Variants in AGBL4 observed in about 807,000 individuals in gnomAD.
AGBL4 encodes AGBL carboxypeptidase 4.
AGBL4 carries 58 observed loss-of-function variants against 66.4 expected under a neutral mutation model. The observed-to-expected ratio is 0.87, with a 90% CI of 0.71 to 1.09. AGBL4 has a LOEUF of 1.09. Among genes scored for constraint, AGBL4 ranks in the 50% least tolerant of loss-of-function variants. The pLI, the probability that AGBL4 is intolerant of heterozygous loss-of-function variation, is 0.00. For synonymous variants in AGBL4, 234 were observed against 222.9 expected (o/e 1.05, Z -0.44); for missense variants, 579 against 631.0 (o/e 0.92, Z 0.88).
At chr1:48,744,362 A>C (rs1444072186) in intron 6 of AGBL4, among the ~76,000 whole-genome samples, 4 of 152,242 alleles carry the variant, frequency 2.6e-5, no homozygotes, top group East Asian at 1.9e-4. Context: ...CACAGGTTAA[A>C]ATTTTGAGAC....
At chr1:48,735,082 G>A (rs537176265) in intron 6 of AGBL4, among the ~76,000 whole-genome samples, 188 of 152,264 alleles carry the variant, frequency 1.2e-3, no homozygotes, top group Non-Finnish European at 2.1e-3. Flanking sequence ...GCCAACAGTA[G>A]GGTTGCTATG....
intron 6 of AGBL4, among the ~76,000 whole-genome samples, chr1:48,670,444 G>A (rs955194542): frequency 6.6e-6 from 1 of 152,246 alleles, no homozygotes; most frequent in Non-Finnish European, 1.5e-5. Flanking sequence ...CACCTGGAAA[G>A]TAGCCAGTGG....
At chr1:49,760,314 T>A (rs1652211236) in intron 2 of AGBL4, among the ~76,000 whole-genome samples, 1 of 152,336 alleles carries the variant, frequency 6.6e-6, no homozygotes, top group Middle Eastern at 3.4e-3. Flanking sequence ...ATGCCATTTG[T>A]AAATTCTGGC....
At chr1:49,395,777 A>ATG (rs1285074168) in intron 3 of AGBL4, among the ~76,000 whole-genome samples, 1 of 139,384 alleles carries the variant, frequency 7.2e-6, no homozygotes. Context: ...ATATATATAC[A>ATG]TGTGTATATA....
At chr1:49,159,686 A>T (rs1557689069) in intron 4 of AGBL4, among the ~76,000 whole-genome samples, 1 of 152,136 alleles carries the variant, frequency 6.6e-6, no homozygotes, top group Non-Finnish European at 1.5e-5. Context: ...TCCCCCCGTC[A>T]CTTTCAGGTA....
chr1:49,561,742 A>G (rs531883770), intron 3 of AGBL4, among the ~76,000 whole-genome samples: 1 of 152,236 alleles, frequency 6.6e-6, no homozygotes, highest in South Asian at 2.1e-4. Flanking sequence ...AGTCTTTGCT[A>G]TTGTGAATAG....
At chr1:48,576,641 C>T (rs1644658101) in intron 11 of AGBL4, among the ~76,000 whole-genome samples, 1 of 152,104 alleles carries the variant, frequency 6.6e-6, no homozygotes, top group South Asian at 2.1e-4. Flanking sequence ...CTTTGTGTTC[C>T]CTTTCCAACC....
chr1:48,974,037 T>C (rs1659120360), intron 5 of AGBL4, among the ~76,000 whole-genome samples: 1 of 152,076 alleles, frequency 6.6e-6, no homozygotes, highest in African/African-American at 2.4e-5. Flanking sequence ...ATATGTGCAA[T>C]AAATTTACTT....
chr1:49,153,145 A>G (rs1646369981), intron 4 of AGBL4, among the ~76,000 whole-genome samples: 1 of 152,130 alleles, frequency 6.6e-6, no homozygotes, highest in African/African-American at 2.4e-5. Context: ...TTAGAAAGAT[A>G]TCCACCACTT....
intron 5 of AGBL4, among the ~76,000 whole-genome samples, chr1:48,920,148 T>C (rs1459005393): frequency 2.0e-5 from 3 of 152,210 alleles, no homozygotes; most frequent in African/African-American, 7.2e-5. Flanking sequence ...AAAGATTGCC[T>C]GTAGACTTCC....
In AGBL4 at chr1:49,621,355, C is replaced by T. The variant is rs564286903; in HGVS notation, c.282+75958G>A. Among the ~76,000 whole-genome samples the T allele has an allele frequency of 7.2e-5, 11 of 152,188 alleles. No homozygotes were observed. In the South Asian group the frequency reaches 2.3e-3, roughly 32 times the overall value. Reference sequence around the variant, plus strand: ...GGGAACTCACATTCTGTATTTGTCCCGATTGGCTATCAAACTAGAACTTTT... The same window carrying T: ...GGGAACTCACATTCTGTATTTGTCCTGATTGGCTATCAAACTAGAACTTTT... On this transcript the variant is annotated intron_variant, in intron 3 of 13. Coordinates refer to ENST00000371839, the MANE Select transcript of AGBL4 (RefSeq NM_032785.4).
intron 2 of AGBL4, among the ~76,000 whole-genome samples, chr1:49,704,781 G>A (rs1647172791): frequency 6.6e-6 from 1 of 152,078 alleles, no homozygotes; most frequent in African/African-American, 2.4e-5. Context: ...CTGTTCCATT[G>A]GTCTATATAT....
intron 5 of AGBL4, among the ~76,000 whole-genome samples, chr1:48,912,256 A>G (rs1182159975): frequency 6.6e-6 from 1 of 152,200 alleles, no homozygotes; most frequent in East Asian, 1.9e-4. Context: ...TATGTGTTCC[A>G]TGCTAGGGAA....
intron 6 of AGBL4, among the ~76,000 whole-genome samples, chr1:48,852,975 T>C (rs145383147): frequency 8.5e-4 from 130 of 152,314 alleles, no homozygotes; most frequent in African/African-American, 3.0e-3. Context: ...CACATCCTTG[T>C]CTAGTTTCCT....
chr1:49,730,001 TC>T (rs1201249276), intron 2 of AGBL4, among the ~76,000 whole-genome samples: 2 of 152,130 alleles, frequency 1.3e-5, no homozygotes, highest in South Asian at 2.1e-4. Flanking sequence ...CCTCATTGGT[TC>T]TTTCTGGATA....
At chr1:48,874,711 T>C (rs574999399) in intron 5 of AGBL4, among the ~76,000 whole-genome samples, 4 of 152,282 alleles carry the variant, frequency 2.6e-5, no homozygotes, top group East Asian at 3.9e-4. Flanking sequence ...CAGTGTGATA[T>C]GTAGCAGACT....
chr1:48,904,983 C>T (rs1025511103), intron 5 of AGBL4, among the ~76,000 whole-genome samples: 23 of 152,142 alleles, frequency 1.5e-4, no homozygotes, highest in African/African-American at 5.6e-4. Context: ...GATCATGTTC[C>T]CTGGAGGATT....
chr1:48,718,076 C>T (rs953405314), intron 6 of AGBL4, among the ~76,000 whole-genome samples: 8 of 152,014 alleles, frequency 5.3e-5, no homozygotes, highest in Middle Eastern at 3.2e-3. Flanking sequence ...TCAAAATGAA[C>T]GAGGGAATGA....
At chr1:49,917,464 A>G (rs1651670929) in intron 1 of AGBL4, among the ~76,000 whole-genome samples, 2 of 152,196 alleles carry the variant, frequency 1.3e-5, no homozygotes, top group Admixed American at 1.3e-4. Context: ...CTTTAAACCA[A>G]CAAAGATCAA....
Sources: gnomAD v4.1 joint callset for allele counts (sites outside exome capture counted in the v4.1 genomes callset) on GRCh38, gnomAD v4.1.1 for gene constraint, MANE v1.5 for transcripts, NCBI Gene and HGNC (gene_info 2026-07-23, HGNC 2026-07-21) for gene names.